The following LAMA2 variants were observed in gnomAD, a reference collection of about 807,000 sequenced individuals.
The protein encoded by LAMA2 is laminin subunit alpha-2.
A neutral mutation model predicts 364.8 loss-of-function variants in LAMA2; 269 were observed. The observed-to-expected ratio is 0.74, with a 90% CI of 0.67 to 0.82. The LOEUF (loss-of-function observed/expected upper bound fraction) is 0.82. Ranked by LOEUF, LAMA2 falls within the 40% of genes least tolerant of loss-of-function variation. The pLI, the probability that LAMA2 is intolerant of heterozygous loss-of-function variation, is 0.00. For synonymous variants in LAMA2, 1,379 were observed against 1,370.6 expected (o/e 1.01, Z -0.14); for missense variants, 3,807 against 3,873.2 (o/e 0.98, Z 0.45).
At chr6:128,941,882 A>G (rs1475055022) in intron 1 of LAMA2, among the ~76,000 whole-genome samples, 2 of 152,182 alleles carry the variant, frequency 1.3e-5, no homozygotes, top group African/African-American at 4.8e-5. Flanking sequence ...GACCTCCATC[A>G]CTGAGAAGTT....
intron 4 of LAMA2, among the ~76,000 whole-genome samples, chr6:129,104,096 C>G (rs1775682081): frequency 6.6e-6 from 1 of 151,952 alleles, no homozygotes; most frequent in Admixed American, 6.6e-5. Context: ...ATGATTATAG[C>G]TCACTGCAGG....
At chr6:129,324,977 A>G (rs1409438240) in intron 28 of LAMA2, among the ~76,000 whole-genome samples, 1 of 152,164 alleles carries the variant, frequency 6.6e-6, no homozygotes, top group Non-Finnish European at 1.5e-5. Context: ...GCCTGATTGC[A>G]AAATCCATGC....
intron 28 of LAMA2, among the ~76,000 whole-genome samples, chr6:129,323,569 C>A (rs578115874): frequency 1.8e-4 from 28 of 152,096 alleles, no homozygotes; most frequent in Admixed American, 1.5e-3. Flanking sequence ...ACAAAGGACA[C>A]CATTTCCTCA....
At chr6:128,917,499 C>T (rs891807560) in intron 1 of LAMA2, among the ~76,000 whole-genome samples, 4 of 151,948 alleles carry the variant, frequency 2.6e-5, no homozygotes, top group African/African-American at 9.7e-5. Context: ...CCTTTGTTTG[C>T]TTCAGGACTT....
chr6:129,276,007 C>T (rs1788296988), intron 17 of LAMA2, among the ~76,000 whole-genome samples: 1 of 152,068 alleles, frequency 6.6e-6, no homozygotes, highest in South Asian at 2.1e-4. Context: ...AATGATTCTC[C>T]TGAGAATAAG....
chr6:129,279,915 A>G (rs1483158003), intron 17 of LAMA2, 146 bp from the exon 18 acceptor site: 4 of 715,566 alleles, frequency 5.6e-6, no homozygotes, highest in Non-Finnish European at 1.0e-5. Flanking sequence ...CATTGGCCAG[A>G]CCCTAATCTC....
intron 51 of LAMA2, among the ~76,000 whole-genome samples, chr6:129,470,481 G>T (rs1343804441): frequency 6.6e-6 from 1 of 151,708 alleles, no homozygotes; most frequent in African/African-American, 2.4e-5. Context: ...GGCAAAGGAA[G>T]GGATATTATA....
In LAMA2 at chr6:129,427,871, T is replaced by C. The variant is rs762774605; in HGVS notation, c.5968+17T>C. 1.4e-6 allele frequency: 2 copies of C among 1,473,260 alleles called. No individual in the cohort carries two copies. Among genetic ancestry groups the C allele is most frequent in the African/African-American group, 1.4e-5 (1 of 72,130 alleles). The allele number at this position is 1,473,260 out of a possible 1,614,324, so 91.3% of individuals were successfully genotyped here. ...ATGTAAAAGGTCAGTGTGGCCATAG[T>C]TTTTATTATATTCCAGTTAATCGGG... On this transcript the variant is annotated intron_variant, in intron 41 of 64. Coordinates refer to ENST00000421865, the MANE Select transcript of LAMA2 (RefSeq NM_000426.4).
At chr6:128,943,285 G>C (rs1780278022) in intron 1 of LAMA2, among the ~76,000 whole-genome samples, 4 of 151,614 alleles carry the variant, frequency 2.6e-5, no homozygotes, top group Admixed American at 6.6e-5. Flanking sequence ...GAGAGAGAGA[G>C]AGAGAGAGAG....
intron 58 of LAMA2, among the ~76,000 whole-genome samples, chr6:129,492,913 G>T (rs373970771): frequency 6.6e-6 from 1 of 152,122 alleles, no homozygotes; most frequent in Non-Finnish European, 1.5e-5. Context: ...TAGCACTTTG[G>T]GAGGCCAAGG....
intron 1 of LAMA2, among the ~76,000 whole-genome samples, chr6:128,944,347 TG>T (rs544096982): frequency 6.6e-6 from 1 of 152,186 alleles, no homozygotes; most frequent in Non-Finnish European, 1.5e-5. Context: ...ATAAGAAAGA[TG>T]ATAGGCCTGA....
intron 32 of LAMA2, among the ~76,000 whole-genome samples, chr6:129,361,143 A>G (rs1236753921): frequency 6.6e-6 from 1 of 152,236 alleles, no homozygotes; most frequent in Non-Finnish European, 1.5e-5. Flanking sequence ...TTGGAGGTGA[A>G]AAAAGAGCAA....
At chr6:129,255,026 G>T (rs1340555078) in intron 14 of LAMA2, among the ~76,000 whole-genome samples, 1 of 148,944 alleles carries the variant, frequency 6.7e-6, no homozygotes, top group Non-Finnish European at 1.5e-5. Context: ...AAATGTGGTA[G>T]AAATGATGTA....
intron 1 of LAMA2, among the ~76,000 whole-genome samples, chr6:129,008,008 A>G (rs17724256): frequency 0.098 from 14,885 of 152,268 alleles, 936 homozygotes; most frequent in Middle Eastern, 0.2. Context: ...AATGAAATAC[A>G]TCCTTGAGAA....
intron 1 of LAMA2, among the ~76,000 whole-genome samples, chr6:128,910,987 T>G (rs1777890166): frequency 6.6e-6 from 1 of 151,126 alleles, no homozygotes; most frequent in Non-Finnish European, 1.5e-5. Flanking sequence ...GGAGGCAGTC[T>G]GCCCGTTCTT....
intron 12 of LAMA2, among the ~76,000 whole-genome samples, chr6:129,236,271 G>GGTAA (rs1784976101): frequency 6.6e-6 from 1 of 152,136 alleles, no homozygotes; most frequent in South Asian, 2.1e-4. Context: ...ATTTCTGTGA[G>GGTAA]ATACTCAACT....
intron 11 of LAMA2, among the ~76,000 whole-genome samples, chr6:129,190,620 T>G (rs936977849): frequency 9.2e-5 from 14 of 152,166 alleles, no homozygotes; most frequent in African/African-American, 3.4e-4. Flanking sequence ...GCAATTAAGG[T>G]TTCAACTCCA....
At chr6:129,311,067 G>C (rs1774189915) in intron 22 of LAMA2, among the ~76,000 whole-genome samples, 1 of 151,898 alleles carries the variant, frequency 6.6e-6, no homozygotes, top group South Asian at 2.1e-4. Context: ...GGCACACCTG[G>C]GATTCTTTCT....
chr6:129,421,204 C>T (rs889104992), intron 40 of LAMA2, among the ~76,000 whole-genome samples: 10 of 151,858 alleles, frequency 6.6e-5, no homozygotes, highest in Non-Finnish European at 8.8e-5. Context: ...GCTATAATGA[C>T]GTTTTAAATT....
Sources: gnomAD v4.1 joint callset for allele counts (sites outside exome capture counted in the v4.1 genomes callset) on GRCh38, gnomAD v4.1.1 for gene constraint, MANE v1.5 for transcripts, NCBI Gene and HGNC (gene_info 2026-07-23, HGNC 2026-07-21) for gene names.